Variants in PDIA3 observed in about 807,000 individuals in gnomAD.
PDIA3 encodes the protein protein disulfide isomerase family A member 3, also known as protein disulfide-isomerase A3.
PDIA3 carries 16 observed loss-of-function variants against 56.9 expected under a neutral mutation model. The observed-to-expected ratio is 0.28, with a 90% confidence interval of 0.19 to 0.43. The LOEUF is 0.43. Among genes scored for constraint, PDIA3 ranks in the 20% least tolerant of loss-of-function variants. The probability of loss-of-function intolerance (pLI) is 1.00; values close to 1 mark genes in which losing one functional copy is unlikely to be tolerated. For synonymous variants in PDIA3, 192 were observed against 216.5 expected (o/e 0.89, Z 0.99); for missense variants, 485 against 621.3 (o/e 0.78, Z 2.33).
At chr15:43,751,867 T>G (rs186692451) in intron 1 of PDIA3, 1 of 743,554 alleles carries the variant, frequency 1.3e-6, no homozygotes, top group East Asian at 6.6e-5. Flanking sequence ...GTGATTTTTT[T>G]CTCTTAAAAT....
intron 1 of PDIA3, among the ~76,000 whole-genome samples, chr15:43,753,158 A>C (rs1433910755): frequency 1.3e-5 from 2 of 150,294 alleles, no homozygotes; most frequent in Non-Finnish European, 3.0e-5. Flanking sequence ...GCTCACTGCA[A>C]CCTCCACCTC....
Position 43,773,263 on chromosome 15 carries a change from T to C in PDIA3, c.*2045T>C, listed in dbSNP as rs776233149. The C allele has an allele frequency of 1.1e-5, 17 of 1,613,780 alleles. No individual in the cohort carries two copies. The South Asian group carries it at 1.9e-4, about 18-fold the overall frequency. ...AAGCATCCATGTCAAAAAGTAAAAA[T>C]TCTCATTCTACCTTGCTTCCGTTCC... On this transcript the variant is annotated 3_prime_UTR_variant, in exon 13 of 13. Coordinates refer to ENST00000300289, the MANE Select transcript of PDIA3 (RefSeq NM_005313.5).
chr15:43,756,884 A>C, intron 3 of PDIA3, 118 bp downstream of exon 3: 2 of 601,296 alleles, frequency 3.3e-6, no homozygotes, highest in South Asian at 4.8e-5. Context: ...TTCCTCATCT[A>C]AGAGGTCAGT....
In PDIA3 at chr15:43,770,280, A is replaced by T; in HGVS notation, c.1297A>T (p.Lys433Ter). Reference sequence around the variant, plus strand: ...CAAAGACCCAAATATCGTCATAGCCAAGATGGATGCCACAGCCAATGATGT... The same window carrying T: ...CAAAGACCCAAATATCGTCATAGCCTAGATGGATGCCACAGCCAATGATGT... Reference protein sequence around the residue: ...LSKDPNIVIAKMDATANDVPS... With the variant: ...LSKDPNIVIA Residue 433 changes from lysine (K) to a stop codon, truncating the protein, a stop_gained, in exon 11 of 13, where the codon AAG becomes TAG. Transcript: ENST00000300289. LOFTEE classifies it high-confidence loss of function. The T allele has an allele frequency of 6.2e-7, 1 of 1,614,198 alleles. No homozygotes were observed.
At chr15:43,760,875 T>C (rs1311776334) in intron 3 of PDIA3, among the ~76,000 whole-genome samples, 2 of 151,610 alleles carry the variant, frequency 1.3e-5, no homozygotes, top group Non-Finnish European at 2.9e-5. Context: ...GCCACTGTAA[T>C]AAAAGGTTGA....
chr15:43,770,208 T>C, intron 10 of PDIA3, 42 bp from the exon 11 acceptor site: 4 of 1,497,430 alleles, frequency 2.7e-6, no homozygotes, highest in Middle Eastern at 3.4e-4. Flanking sequence ...CCTCTGTCAC[T>C]GAAAACTTGA....
chr15:43,770,593 T>C lies in PDIA3; in HGVS notation c.1404+13T>C. Reference sequence around the variant, plus strand: ...AAAGAAATATGAAGTAAGTGAATTGTCCCATATCCCCACAAATATATACAC... The same window carrying C: ...AAAGAAATATGAAGTAAGTGAATTGCCCCATATCCCCACAAATATATACAC... On this transcript the variant is annotated intron_variant, in intron 12 of 12. Transcript: ENST00000300289. 2 of 1,562,134 alleles carry C rather than the reference T, an allele frequency of 1.3e-6. No individual in the cohort carries two copies. The highest frequency in any genetic ancestry group is 1.1e-5 in the South Asian group (1 of 90,018).
intron 8 of PDIA3, among the ~76,000 whole-genome samples, chr15:43,767,769 C>CAAAAA (rs11294471): frequency 1.8e-4 from 13 of 73,432 alleles, no homozygotes; most frequent in Admixed American, 3.2e-4. Context: ...GACTCTGTCT[C>CAAAAA]AAAAAAAAAA....
At chr15:43,762,286 C>A (rs545234733) in intron 4 of PDIA3, among the ~76,000 whole-genome samples, 2 of 152,040 alleles carry the variant, frequency 1.3e-5, no homozygotes, top group South Asian at 2.1e-4. Context: ...CTGAAGCGGG[C>A]GGATCACCTG....
At position 43,768,482 on chromosome 15, in the gene PDIA3, A is replaced by G; in HGVS notation, c.1029-7A>G. The G allele has an allele frequency of 6.2e-7, 1 of 1,601,724 alleles. No individual in the cohort carries two copies. The highest frequency in any genetic ancestry group is 2.2e-5 in the East Asian group (1 of 44,802). ...TAACAAGCCTTACCCTTGTTTTCCA[A>G]TTGTAGGCGTGATGGGAAGGCTCTG... On this transcript the variant is annotated splice_region_variant and splice_polypyrimidine_tract_variant and intron_variant, in intron 8 of 12. Coordinates refer to ENST00000300289, the MANE Select transcript of PDIA3 (RefSeq NM_005313.5).
rs373046380 is a variant in PDIA3, at chr15:43,763,735, G to A, written c.602+529G>A. Among the ~76,000 whole-genome samples, 34 of 152,124 alleles carry A rather than the reference G, an allele frequency of 2.2e-4. No individual in the cohort carries two copies. In the East Asian group the frequency reaches 6.0e-3, roughly 27 times the overall value. On this transcript the variant is annotated intron_variant, in intron 5 of 12. Transcript: ENST00000300289. ...AAGTGTATGTAGAACTATATATGGA[G>A]TGGTTGGAAGTACAAAAGAGGGAGT... is the stretch of plus-strand genomic sequence containing the variant.
intron 1 of PDIA3, among the ~76,000 whole-genome samples, chr15:43,748,308 GTC>G (rs2086720406): frequency 6.7e-6 from 1 of 149,652 alleles, no homozygotes; most frequent in Non-Finnish European, 1.5e-5. Flanking sequence ...AGAAACCCCC[GTC>G]TCTACTAAAA....
At position 43,763,198 on chromosome 15, in the gene PDIA3, T is replaced by A. The variant is rs1165710842; in HGVS notation, c.594T>A (p.Asp198Glu). ...NVESLVNEYD[D>E]NGEGIILFRP... Reference sequence around the variant, plus strand: ...AGTCTCTGGTGAACGAGTATGATGATAATGGAGAGTAAGTGACTGAGTTGA... The same window carrying A: ...AGTCTCTGGTGAACGAGTATGATGAAAATGGAGAGTAAGTGACTGAGTTGA... Residue 198 changes from aspartate (D) to glutamate (E), a missense_variant, in exon 5 of 13, where the codon GAT becomes GAA. Physicochemically the swap from Asp to Glu is conservative, Grantham distance 45. Transcript: ENST00000300289. The A allele has an allele frequency of 3.7e-6, 6 of 1,613,688 alleles. No individual in the cohort carries two copies. The highest frequency in any genetic ancestry group is 4.2e-6 in the Non-Finnish European group (5 of 1,179,776).
chr15:43,753,742 G>A, intron 1 of PDIA3, 82 bp from the exon 2 acceptor site: 1 of 979,786 alleles, frequency 1.0e-6, no homozygotes, highest in Middle Eastern at 2.1e-4. Context: ...TAGTATTATA[G>A]TTTGAGATTC....
chr15:43,773,057 T>C lies in PDIA3; in HGVS notation c.*1839T>C. ...AGATAGTTGCATTCTATTTAGTTTA[T>C]AGCTGCTTTGTTCCTTTGTGTTTCA... On this transcript the variant is annotated 3_prime_UTR_variant, in exon 13 of 13. Transcript: ENST00000300289. 6.9e-7 allele frequency: 1 copy of C among 1,455,202 alleles called. No homozygotes were observed. Among genetic ancestry groups the C allele is most frequent in the Non-Finnish European group, 9.3e-7 (1 of 1,071,282 alleles). 90.1% of individuals were successfully genotyped at this position (1,455,202 alleles called of 1,614,324 possible).
intron 5 of PDIA3, 132 bp downstream of exon 5, chr15:43,763,338 C>T (rs1291517730): frequency 7.1e-6 from 7 of 982,746 alleles, no homozygotes; most frequent in South Asian, 1.6e-5. Flanking sequence ...CTGCAGCCTC[C>T]ACCTCCCAGG....
At chr15:43,748,573 A>G (rs2086722448) in intron 1 of PDIA3, among the ~76,000 whole-genome samples, 2 of 152,166 alleles carry the variant, frequency 1.3e-5, no homozygotes, top group African/African-American at 4.8e-5. Context: ...ATATCCCATC[A>G]GGCACTGACT....
chr15:43,770,487 T>A, intron 11 of PDIA3, 36 bp from the exon 12 acceptor site: 1 of 1,537,756 alleles, frequency 6.5e-7, no homozygotes, highest in African/African-American at 1.4e-5. Flanking sequence ...TGGGCCCACA[T>A]AACTGCTTGA....
chr15:43,763,007 G>A (rs772732743), intron 4 of PDIA3, 70 bp from the exon 5 acceptor site: 16 of 1,473,314 alleles, frequency 1.1e-5, no homozygotes, highest in East Asian at 2.3e-5. Flanking sequence ...TGGAATAGAC[G>A]TTTATGGTTT....
Sources: gnomAD v4.1 joint callset for allele counts (sites outside exome capture counted in the v4.1 genomes callset) on GRCh38, gnomAD v4.1.1 for gene constraint, MANE v1.5 for transcripts, NCBI Gene and HGNC (gene_info 2026-07-23, HGNC 2026-07-21) for gene names.